The following MARCHF11 variants were observed in gnomAD, a reference collection of about 807,000 sequenced individuals.
MARCHF11 encodes E3 ubiquitin-protein ligase MARCHF11.
MARCHF11 carries 29 observed loss-of-function variants against 37.3 expected under a neutral mutation model. The observed-to-expected ratio is 0.78, with a 90% confidence interval of 0.58 to 1.06. The LOEUF is 1.06. MARCHF11 is among the 50% of genes least tolerant of loss of function. The pLI is 0.00. For missense variants in MARCHF11, 482 were observed against 533.4 expected (o/e 0.90, Z 0.95); for synonymous variants, 233 against 228.0 (o/e 1.02, Z -0.20).
rs7737124 is a variant in MARCHF11 at position 16,162,458 on chromosome 5, G to A, written c.693+15268C>T. Among the ~76,000 whole-genome samples the A allele has an allele frequency of 3.7e-3, 569 of 152,108 alleles. 2 individuals carry two copies. Among genetic ancestry groups the A allele is most frequent in the African/African-American group, 0.013 (549 of 41,540 alleles). On this transcript the variant is annotated intron_variant, in intron 2 of 3. Transcript: ENST00000332432. ...TCACTAGCATACCCTATTTCTAGAAGGCAATATATTTTTTAAAATCTGTCA... is the reference window on the plus strand; with the variant it reads ...TCACTAGCATACCCTATTTCTAGAAAGCAATATATTTTTTAAAATCTGTCA...
intron 2 of MARCHF11, among the ~76,000 whole-genome samples, chr5:16,144,150 T>C (rs1199692554): frequency 1.3e-5 from 2 of 152,204 alleles, no homozygotes; most frequent in African/African-American, 4.8e-5. Flanking sequence ...TAAGGAGTTA[T>C]TGAGCTAACA....
intron 2 of MARCHF11, among the ~76,000 whole-genome samples, chr5:16,155,836 G>GT (rs553556226): frequency 4.5e-4 from 68 of 151,964 alleles, no homozygotes; most frequent in Middle Eastern, 3.4e-3. Context: ...CCACTGTATT[G>GT]TAACACAAAC....
intron 2 of MARCHF11, among the ~76,000 whole-genome samples, chr5:16,127,148 C>T (rs577635978): frequency 7.9e-5 from 12 of 152,126 alleles, no homozygotes; most frequent in Non-Finnish European, 1.6e-4. Flanking sequence ...AGGTTGAATA[C>T]TCAACTAGCA....
rs1736362570 is a variant in MARCHF11 at position 16,067,170 on chromosome 5, C to G, written c.*301G>C. On this transcript the variant is annotated 3_prime_UTR_variant, in exon 4 of 4. Transcript: ENST00000332432. ...TTCATAAAAATATATTTAAAACAAG[C>G]AAGAAAAAATAGTTTTGGCCTTAAG... 3.9e-6 allele frequency: 1 copy of G among 257,784 alleles called. No individual in the cohort carries two copies. The highest frequency in any genetic ancestry group is 2.3e-5 in the African/African-American group (1 of 44,370). The allele number at this position is 257,784 out of a possible 1,614,324, so 16.0% of individuals were successfully genotyped here.
chr5:16,179,054 G>T lies in MARCHF11; in HGVS notation c.522C>A (p.Phe174Leu). 2.0e-6 allele frequency: 3 copies of T among 1,485,692 alleles called. No individual in the cohort carries two copies. The highest frequency in any genetic ancestry group is 2.7e-6 in the Non-Finnish European group (3 of 1,124,496). The allele number at this position is 1,485,692 out of a possible 1,614,324, so 92.0% of individuals were successfully genotyped here. Residue 174 changes from phenylalanine (F) to leucine (L), a missense_variant, in exon 1 of 4, where the codon TTC (phenylalanine) becomes TTA (leucine). Phe to Leu is a conservative substitution (Grantham distance 22). Transcript: ENST00000332432. ...CGGGCCTTACCTGCTCCGCGCCCTG[G>T]AAGCAGATCTTGCAGATGGGCTGGT... ...QHHQPICKIC[F>L]QGAEQGELLN...
At chr5:16,068,793 G>A (rs531042263) in intron 3 of MARCHF11, among the ~76,000 whole-genome samples, 117 of 152,212 alleles carry the variant, frequency 7.7e-4, no homozygotes, top group Non-Finnish European at 1.4e-3. Context: ...CTCAGGTGAG[G>A]TGAAGTGAGG....
rs181987483 is a variant in MARCHF11, at chr5:16,075,929, T to C, written c.887-8136A>G. ...ATCTGTGTTCAGCCCCAGCAAACTGTAGCTGTCTCCTCCACTGTCTTGCTG... is the reference window on the plus strand; with the variant it reads ...ATCTGTGTTCAGCCCCAGCAAACTGCAGCTGTCTCCTCCACTGTCTTGCTG... On this transcript the variant is annotated intron_variant, in intron 3 of 3. Coordinates refer to ENST00000332432, the MANE Select transcript of MARCHF11 (RefSeq NM_001102562.3). Among the ~76,000 whole-genome samples the C allele has an allele frequency of 2.6e-4, 39 of 152,314 alleles. 1 individual carries two copies. Among genetic ancestry groups the C allele is most frequent in the South Asian group, 8.3e-4 (4 of 4,828 alleles).
chr5:16,104,914 AAC>A (rs35858618), intron 2 of MARCHF11, among the ~76,000 whole-genome samples: 35,391 of 149,106 alleles, frequency 0.24, 4,646 homozygotes, highest in African/African-American at 0.37. Flanking sequence ...GACTAAAGGA[AAC>A]ACACACACAC....
chr5:16,124,443 AGTGG>A (rs1737365296), intron 2 of MARCHF11, among the ~76,000 whole-genome samples: 1 of 152,220 alleles, frequency 6.6e-6, no homozygotes, highest in African/African-American at 2.4e-5. Flanking sequence ...GTTAGAATGT[AGTGG>A]GGACAGGATT....
intron 3 of MARCHF11, among the ~76,000 whole-genome samples, chr5:16,075,646 A>G (rs1247530955): frequency 1.3e-5 from 2 of 152,116 alleles, no homozygotes; most frequent in Non-Finnish European, 2.9e-5. Context: ...GTCACAAGGA[A>G]TGACTTGATC....
intron 2 of MARCHF11, among the ~76,000 whole-genome samples, chr5:16,155,651 A>T (rs935020896): frequency 5.3e-5 from 8 of 151,920 alleles, no homozygotes; most frequent in Admixed American, 4.6e-4. Flanking sequence ...GATCTTGTAA[A>T]TCTTGGTACA....
intron 2 of MARCHF11, among the ~76,000 whole-genome samples, chr5:16,173,717 T>C (rs951435031): frequency 4.6e-5 from 7 of 152,312 alleles, no homozygotes; most frequent in African/African-American, 1.4e-4. Flanking sequence ...AAGAAGGACC[T>C]GTGGCAGTGA....
intron 2 of MARCHF11, among the ~76,000 whole-genome samples, chr5:16,156,305 C>T (rs1475659398): frequency 2.0e-5 from 3 of 151,882 alleles, no homozygotes; most frequent in Admixed American, 1.3e-4. Context: ...TGGCCAAATT[C>T]TGACTCACAA....
chr5:16,081,583 C>G (rs533949707), intron 3 of MARCHF11, among the ~76,000 whole-genome samples: 1 of 152,218 alleles, frequency 6.6e-6, no homozygotes, highest in African/African-American at 2.4e-5. Context: ...ACCACTATCC[C>G]GCACTCCAGG....
intron 2 of MARCHF11, among the ~76,000 whole-genome samples, chr5:16,108,576 A>G (rs1244309344): frequency 6.6e-6 from 1 of 152,136 alleles, no homozygotes; most frequent in African/African-American, 2.4e-5. Context: ...CCAGGCTCAC[A>G]TAGAGAAAAG....
intron 2 of MARCHF11, among the ~76,000 whole-genome samples, chr5:16,176,821 CT>C (rs1173154407): frequency 1.3e-5 from 2 of 152,104 alleles, no homozygotes; most frequent in Admixed American, 1.3e-4. Context: ...ACTTTTCCCC[CT>C]CCCAACTTTG....
Position 16,087,793 on chromosome 5 carries a change from G to A in MARCHF11, c.886+3096C>T, listed in dbSNP as rs138639831. Among the ~76,000 whole-genome samples the A allele has an allele frequency of 1.3e-3, 195 of 152,278 alleles. 1 individual carries two copies. The highest frequency in any genetic ancestry group is 4.5e-3 in the African/African-American group (188 of 41,556). On this transcript the variant is annotated intron_variant, in intron 3 of 3. Coordinates refer to ENST00000332432, the MANE Select transcript of MARCHF11 (RefSeq NM_001102562.3). ...AATGAAAGCAACAAACAAATTCACTGTGCCTAGGAATAAGTAAATAAATTT... is the reference window on the plus strand; with the variant it reads ...AATGAAAGCAACAAACAAATTCACTATGCCTAGGAATAAGTAAATAAATTT...
chr5:16,105,778 G>GT (rs967340604), intron 2 of MARCHF11, among the ~76,000 whole-genome samples: 175 of 151,144 alleles, frequency 1.2e-3, no homozygotes, highest in African/African-American at 3.8e-3. Flanking sequence ...CTGGCTTCCT[G>GT]TTTTTTTTTG....
intron 3 of MARCHF11, among the ~76,000 whole-genome samples, chr5:16,089,181 T>G (rs190812835): frequency 8.7e-4 from 133 of 152,212 alleles, no homozygotes; most frequent in Non-Finnish European, 1.7e-3. Context: ...CAACTGGACT[T>G]TTTTTCCTTT....
Sources: allele counts gnomAD v4.1 joint callset (sites outside exome capture counted in the v4.1 genomes callset), GRCh38; gene constraint gnomAD v4.1.1; transcripts MANE v1.5; gene names NCBI Gene and HGNC (gene_info 2026-07-23, HGNC 2026-07-21).